Variants in SCHIP1 observed in about 807,000 individuals in gnomAD.
SCHIP1 encodes the protein schwannomin-interacting protein 1.
SCHIP1 carries 8 observed loss-of-function variants against 29.7 expected under a neutral mutation model. The observed-to-expected ratio is 0.27, with a 90% CI of 0.16 to 0.49. The LOEUF (loss-of-function observed/expected upper bound fraction) is 0.49. Among genes scored for constraint, SCHIP1 ranks in the 20% least tolerant of loss-of-function variants. The pLI is 0.99. For missense variants in SCHIP1, 193 were observed against 294.6 expected (o/e 0.66, Z 2.52); for synonymous variants, 76 against 94.9 (o/e 0.80, Z 1.16).
chr3:159,276,622 G>A, the SCHIP1 span, among the ~76,000 whole-genome samples: 49 of 152,168 alleles, frequency 3.2e-4, no homozygotes, highest in African/African-American at 1.2e-3. Context: ...TGACCTGACT[G>A]ATTTGAGATT....
chr3:159,474,822 T>C, the SCHIP1 span, among the ~76,000 whole-genome samples: 1 of 152,286 alleles, frequency 6.6e-6, no homozygotes, highest in East Asian at 1.9e-4. Context: ...GCAGATAAAT[T>C]GAATATGTCC....
At chr3:159,436,325 G>A in the SCHIP1 span, among the ~76,000 whole-genome samples, 9 of 152,144 alleles carry the variant, frequency 5.9e-5, no homozygotes, top group African/African-American at 2.2e-4. Context: ...CTACTCATTG[G>A]ATGATATTTA....
At chr3:159,564,641 G>C in the SCHIP1 span, among the ~76,000 whole-genome samples, 1 of 152,176 alleles carries the variant, frequency 6.6e-6, no homozygotes, top group Non-Finnish European at 1.5e-5. Flanking sequence ...CTCCCAAAGT[G>C]CTGGGATTAC....
chr3:159,556,950 T>A, the SCHIP1 span, among the ~76,000 whole-genome samples: 9 of 147,912 alleles, frequency 6.1e-5, no homozygotes, highest in South Asian at 2.2e-4. Flanking sequence ...TAAAAAAATT[T>A]AAAAAAAAAA....
the SCHIP1 span, among the ~76,000 whole-genome samples, chr3:159,658,860 A>G: frequency 6.6e-6 from 1 of 152,174 alleles, no homozygotes. Context: ...ACATCTCACT[A>G]AATAATTCCA....
At chr3:159,625,409 T>C in the SCHIP1 span, among the ~76,000 whole-genome samples, 4 of 152,284 alleles carry the variant, frequency 2.6e-5, no homozygotes, top group South Asian at 4.1e-4. Context: ...ACCAGGAAGC[T>C]TATGGGGACC....
the SCHIP1 span, among the ~76,000 whole-genome samples, chr3:159,377,967 G>A: frequency 2.6e-5 from 4 of 152,312 alleles, no homozygotes; most frequent in East Asian, 7.7e-4. Context: ...GCCCTGTTAT[G>A]TGGGAGCAGT....
the SCHIP1 span, among the ~76,000 whole-genome samples, chr3:159,295,859 G>T: frequency 6.6e-6 from 1 of 152,066 alleles, no homozygotes; most frequent in African/African-American, 2.4e-5. Flanking sequence ...TAAATTTTTT[G>T]AATTGAATTC....
chr3:159,562,142 C>T, the SCHIP1 span, among the ~76,000 whole-genome samples: 9 of 152,250 alleles, frequency 5.9e-5, no homozygotes, highest in East Asian at 1.5e-3. Flanking sequence ...TTGAACCAAC[C>T]CTAAATTCTC....
At chr3:159,332,696 A>T in the SCHIP1 span, among the ~76,000 whole-genome samples, 4 of 152,132 alleles carry the variant, frequency 2.6e-5, no homozygotes, top group Admixed American at 2.6e-4. Flanking sequence ...TTAGTTTGTG[A>T]TGCATCTAAG....
chr3:159,355,953 T>A, the SCHIP1 span, among the ~76,000 whole-genome samples: 1 of 152,142 alleles, frequency 6.6e-6, no homozygotes, highest in African/African-American at 2.4e-5. Flanking sequence ...TAAGAAAAAT[T>A]CTTTATAGCA....
the SCHIP1 span, among the ~76,000 whole-genome samples, chr3:159,510,651 G>T: frequency 6.6e-6 from 1 of 152,044 alleles, no homozygotes; most frequent in African/African-American, 2.4e-5. Context: ...GTTTTGGTGT[G>T]GATGTCCTTT....
the SCHIP1 span, among the ~76,000 whole-genome samples, chr3:159,566,998 CTT>C: frequency 2.0e-5 from 3 of 152,110 alleles, no homozygotes; most frequent in Non-Finnish European, 4.4e-5. Context: ...CATTTTCAGA[CTT>C]TTAAATTTTT....
chr3:159,865,085 C>T (rs1714478474), intron 1 of SCHIP1, among the ~76,000 whole-genome samples: 1 of 152,180 alleles, frequency 6.6e-6, no homozygotes, highest in African/African-American at 2.4e-5. Context: ...GAACCTCCTA[C>T]TGGGAGAATG....
At chr3:159,278,341 G>A in the SCHIP1 span, among the ~76,000 whole-genome samples, 1 of 152,058 alleles carries the variant, frequency 6.6e-6, no homozygotes, top group Non-Finnish European at 1.5e-5. Flanking sequence ...AACCCAGGAG[G>A]GAGAGTAAGA....
the SCHIP1 span, among the ~76,000 whole-genome samples, chr3:159,318,045 C>T: frequency 3.8e-4 from 58 of 152,080 alleles, 1 homozygote; most frequent in Middle Eastern, 3.2e-3. Context: ...TCATCCTTGG[C>T]GAGTAGAAGT....
At chr3:159,585,402 G>A in the SCHIP1 span, among the ~76,000 whole-genome samples, 1 of 152,124 alleles carries the variant, frequency 6.6e-6, no homozygotes, top group African/African-American at 2.4e-5. Flanking sequence ...GTTTCTTAGA[G>A]CCAATTCTCC....
At chr3:159,473,145 T>C in the SCHIP1 span, among the ~76,000 whole-genome samples, 110 of 152,330 alleles carry the variant, frequency 7.2e-4, 1 homozygote, top group Non-Finnish European at 6.3e-4. Flanking sequence ...TATATAGCTA[T>C]AGGCTAAATT....
the SCHIP1 span, among the ~76,000 whole-genome samples, chr3:159,689,749 C>T: frequency 2.0e-5 from 3 of 152,190 alleles, no homozygotes; most frequent in South Asian, 2.1e-4. Context: ...ATAAATAGCT[C>T]TTATTATTTT....
Sources: allele counts gnomAD v4.1 joint callset (sites outside exome capture counted in the v4.1 genomes callset), GRCh38; gene constraint gnomAD v4.1.1; transcripts MANE v1.5; gene names NCBI Gene and HGNC (gene_info 2026-07-23, HGNC 2026-07-21).